Variants in PCDH15 observed in about 807,000 individuals in gnomAD.
PCDH15 encodes protocadherin-15.
In PCDH15, 129 loss-of-function variants were observed where a neutral mutation model predicts 178.5. The ratio of observed to expected loss-of-function variants is 0.72; its 90% CI spans 0.63 to 0.84. The LOEUF is 0.84. PCDH15 is among the 40% of genes least tolerant of loss of function. The pLI, the probability that PCDH15 is intolerant of heterozygous loss-of-function variation, is 0.00. For missense variants in PCDH15, 2,230 were observed against 2,099.9 expected (o/e 1.06, Z -1.21); for synonymous variants, 800 against 732.0 (o/e 1.09, Z -1.50).
intron 3 of PCDH15, among the ~76,000 whole-genome samples, chr10:54,477,819 G>A (rs1047975709): frequency 6.6e-6 from 1 of 152,018 alleles, no homozygotes; most frequent in African/African-American, 2.4e-5. Flanking sequence ...CTGAGCTCAA[G>A]AGATCTGCCC....
chr10:53,924,725 G>A (rs1230953586), intron 25 of PCDH15, among the ~76,000 whole-genome samples: 1 of 152,192 alleles, frequency 6.6e-6, no homozygotes, highest in South Asian at 2.1e-4. Context: ...TCTAGCTCAA[G>A]GTTTGTAAAT....
chr10:54,018,448 T>C (rs1369684565), intron 20 of PCDH15, among the ~76,000 whole-genome samples: 1 of 152,146 alleles, frequency 6.6e-6, no homozygotes, highest in Non-Finnish European at 1.5e-5. Flanking sequence ...CAATTCACCT[T>C]AAACACATAA....
intron 1 of PCDH15, among the ~76,000 whole-genome samples, chr10:55,180,556 G>T (rs1839620194): frequency 6.6e-6 from 1 of 152,086 alleles, no homozygotes; most frequent in African/African-American, 2.4e-5. Context: ...ATCAGGCATT[G>T]TCCTGAGTTA....
chr10:55,406,163 G>A (rs1838193375), intron 2 of PCDH15, among the ~76,000 whole-genome samples: 1 of 151,934 alleles, frequency 6.6e-6, no homozygotes, highest in Non-Finnish European at 1.5e-5. Flanking sequence ...AGGGGATGAG[G>A]TCAGTAAAAT....
At chr10:55,125,684 T>A (rs1198379042) in intron 2 of PCDH15, among the ~76,000 whole-genome samples, 3 of 152,114 alleles carry the variant, frequency 2.0e-5, no homozygotes, top group Admixed American at 1.3e-4. Flanking sequence ...ATGGTACCAA[T>A]GTCACCATAT....
At chr10:54,884,834 T>G (rs1433157922) in intron 3 of PCDH15, among the ~76,000 whole-genome samples, 1 of 152,012 alleles carries the variant, frequency 6.6e-6, no homozygotes, top group African/African-American at 2.4e-5. Flanking sequence ...TTCAATTGAG[T>G]TATTTTACTA....
intron 25 of PCDH15, among the ~76,000 whole-genome samples, chr10:53,919,278 C>T (rs913558922): frequency 6.6e-6 from 1 of 152,214 alleles, no homozygotes; most frequent in Middle Eastern, 3.4e-3. Context: ...TTATTGTGTT[C>T]TTTTCAATGT....
chr10:55,351,528 G>C (rs772692817), intron 2 of PCDH15, among the ~76,000 whole-genome samples: 1 of 151,990 alleles, frequency 6.6e-6, no homozygotes, highest in Non-Finnish European at 1.5e-5. Flanking sequence ...ACAGTAATCC[G>C]CTTTTTCACT....
intron 15 of PCDH15, among the ~76,000 whole-genome samples, chr10:54,129,936 TA>T (rs1227481670): frequency 6.6e-6 from 1 of 152,106 alleles, no homozygotes; most frequent in Non-Finnish European, 1.5e-5. Flanking sequence ...ATTTTGTGTT[TA>T]AAAAAGGAGA....
At chr10:54,442,907 T>C (rs2075918277) in intron 3 of PCDH15, among the ~76,000 whole-genome samples, 1 of 151,594 alleles carries the variant, frequency 6.6e-6, no homozygotes, top group Admixed American at 6.6e-5. Flanking sequence ...ACAGGTTTCC[T>C]GTTATCCACT....
intron 1 of PCDH15, among the ~76,000 whole-genome samples, chr10:55,216,492 C>G (rs760166474): frequency 7.9e-5 from 12 of 151,714 alleles, no homozygotes; most frequent in East Asian, 3.9e-4. Flanking sequence ...TACAAAGTTA[C>G]AGTTACATAG....
chr10:53,870,352 TAGTC>T (rs1451761544), intron 26 of PCDH15, among the ~76,000 whole-genome samples: 1 of 152,100 alleles, frequency 6.6e-6, no homozygotes, highest in African/African-American at 2.4e-5. Flanking sequence ...TTGCAGAAAA[TAGTC>T]AAGAATGAGA....
At chr10:54,103,148 G>A (rs986043524) in intron 15 of PCDH15, among the ~76,000 whole-genome samples, 3 of 152,194 alleles carry the variant, frequency 2.0e-5, no homozygotes, top group Non-Finnish European at 2.9e-5. Context: ...AATTGACTGA[G>A]GGGTCATGAT....
At chr10:55,136,345 T>C (rs1838197352) in intron 2 of PCDH15, among the ~76,000 whole-genome samples, 1 of 152,062 alleles carries the variant, frequency 6.6e-6, no homozygotes, top group African/African-American at 2.4e-5. Context: ...TGAGTAAATA[T>C]ATATTTTTTT....
chr10:55,608,643 C>T (rs760321307), intron 2 of PCDH15, among the ~76,000 whole-genome samples: 5 of 151,848 alleles, frequency 3.3e-5, no homozygotes, highest in Non-Finnish European at 7.4e-5. Context: ...ATGACTATTG[C>T]CAAGGAAGAA....
chr10:55,191,563 T>G (rs1839944989), intron 1 of PCDH15, among the ~76,000 whole-genome samples: 1 of 151,924 alleles, frequency 6.6e-6, no homozygotes, highest in Non-Finnish European at 1.5e-5. Flanking sequence ...TATGGCTTAC[T>G]CATGTAAAAT....
At chr10:54,524,417 T>G (rs554788918) in intron 3 of PCDH15, among the ~76,000 whole-genome samples, 8 of 152,334 alleles carry the variant, frequency 5.3e-5, no homozygotes. Flanking sequence ...CCTGTACACT[T>G]CGGCAGATTC....
chr10:54,810,509 G>GA (rs1174964258), intron 3 of PCDH15, among the ~76,000 whole-genome samples: 1 of 151,556 alleles, frequency 6.6e-6, no homozygotes, highest in East Asian at 1.9e-4. Flanking sequence ...AACAAATTGG[G>GA]AAAAAAACAC....
chr10:54,061,966 T>A (rs1308834888), intron 18 of PCDH15, among the ~76,000 whole-genome samples: 1 of 152,082 alleles, frequency 6.6e-6, no homozygotes, highest in South Asian at 2.1e-4. Context: ...GGCTCAGGCC[T>A]GTAATCCCAG....
Sources: allele counts gnomAD v4.1 joint callset (sites outside exome capture counted in the v4.1 genomes callset), GRCh38; gene constraint gnomAD v4.1.1; transcripts MANE v1.5; gene names NCBI Gene and HGNC (gene_info 2026-07-23, HGNC 2026-07-21).